RIMS1: variants seen among roughly 807,000 people sequenced by gnomAD.
RIMS1 encodes regulating synaptic membrane exocytosis 1, also known as regulating synaptic membrane exocytosis protein 1.
In RIMS1, 83 loss-of-function variants were observed where a neutral mutation model predicts 214.1. The observed-to-expected ratio is 0.39, with a 90% CI of 0.32 to 0.47. The LOEUF (loss-of-function observed/expected upper bound fraction) is 0.47, where lower values mean the gene tolerates loss of function less well. RIMS1 is among the 20% of genes least tolerant of loss of function. The probability of loss-of-function intolerance (pLI) is 0.99; values close to 1 mark genes in which losing one functional copy is unlikely to be tolerated. For synonymous variants in RIMS1, 793 were observed against 786.8 expected (o/e 1.01, Z -0.13); for missense variants, 2,050 against 2,161.8 (o/e 0.95, Z 1.03).
intron 24 of RIMS1, among the ~76,000 whole-genome samples, chr6:72,290,133 G>A (rs2093123264): frequency 6.6e-6 from 1 of 151,984 alleles, no homozygotes; most frequent in Non-Finnish European, 1.5e-5. Flanking sequence ...TTTAATTTTT[G>A]TCTACTTAGA....
rs758907133 is a variant in RIMS1, at chr6:72,290,775, G to A, written c.3651G>A (p.Ser1217=). The A allele has an allele frequency of 1.7e-5, 28 of 1,613,662 alleles. No homozygotes were observed. Among genetic ancestry groups the A allele is most frequent in the South Asian group, 2.2e-5 (2 of 91,068 alleles). Residue 1217 remains serine, a synonymous_variant, in exon 25 of 34, where the codon TCG becomes TCA. Transcript: ENST00000521978. ...IRGKHPARSR[S]SEHSSIRTLC... ...GAAAACATCCTGCTCGCTCAAGGTC[G>A]AGTGAGCACTCTAGTATCAGAACAC...
chr6:72,088,003 C>T (rs1383254942), intron 2 of RIMS1, among the ~76,000 whole-genome samples: 2 of 152,082 alleles, frequency 1.3e-5, no homozygotes, highest in Non-Finnish European at 1.5e-5. Context: ...AGGATATGAA[C>T]AAAATGATTT....
At chr6:72,272,087 A>C (rs1485943100) in intron 22 of RIMS1, among the ~76,000 whole-genome samples, 1 of 152,198 alleles carries the variant, frequency 6.6e-6, no homozygotes, top group Non-Finnish European at 1.5e-5. Flanking sequence ...CTGGTTTGGA[A>C]ATACAAATCA....
chr6:72,051,161 C>CA (rs1260172280), intron 2 of RIMS1, among the ~76,000 whole-genome samples: 1 of 152,108 alleles, frequency 6.6e-6, no homozygotes, highest in African/African-American at 2.4e-5. Context: ...CTCAGTCTGA[C>CA]AAAGGCCGGA....
intron 2 of RIMS1, among the ~76,000 whole-genome samples, chr6:72,010,103 C>G (rs1289831203): frequency 2.6e-5 from 4 of 152,138 alleles, no homozygotes; most frequent in Admixed American, 2.6e-4. Context: ...CAAACTGAAT[C>G]CAGCAACACA....
In RIMS1 at chr6:72,398,358, G is replaced by A. The variant is rs2154456863; in HGVS notation, c.4720+8G>A. 2 of 1,558,806 alleles carry A rather than the reference G, an allele frequency of 1.3e-6. No homozygotes were observed. The highest frequency in any genetic ancestry group is 1.8e-6 in the Non-Finnish European group (2 of 1,141,824). ...GTTCCAAATCTACACCTGGTAAGGA[G>A]AAGTATTCCTGAATTTGGTGAAGGG... On this transcript the variant is annotated splice_region_variant and intron_variant, in intron 32 of 33. Coordinates refer to ENST00000521978, the MANE Select transcript of RIMS1 (RefSeq NM_014989.7).
At chr6:71,951,482 T>TTCTTTTTC (rs1453238106) in intron 1 of RIMS1, among the ~76,000 whole-genome samples, 2 of 142,742 alleles carry the variant, frequency 1.4e-5, no homozygotes, top group Non-Finnish European at 1.5e-5. Context: ...CTTTTTCTTT[T>TTCTTTTTC]TTTTTTTTTT....
At chr6:72,026,760 A>G (rs150713617) in intron 2 of RIMS1, among the ~76,000 whole-genome samples, 1 of 152,224 alleles carries the variant, frequency 6.6e-6, no homozygotes, top group African/African-American at 2.4e-5. Context: ...TGTTTTCACT[A>G]TGTAGTGGCA....
At chr6:71,917,134 G>A (rs775969251) in intron 1 of RIMS1, among the ~76,000 whole-genome samples, 20 of 152,056 alleles carry the variant, frequency 1.3e-4, no homozygotes, top group Non-Finnish European at 2.2e-4. Context: ...TACTTACTTC[G>A]TAGGGTTGTT....
At chr6:71,890,848 C>G (rs1312646083) in intron 1 of RIMS1, among the ~76,000 whole-genome samples, 1 of 150,164 alleles carries the variant, frequency 6.7e-6, no homozygotes, top group Non-Finnish European at 1.5e-5. Context: ...AGAAGGTAAA[C>G]CAAATAATAT....
intron 4 of RIMS1, among the ~76,000 whole-genome samples, chr6:72,145,908 A>C (rs1048771737): frequency 6.6e-6 from 1 of 152,226 alleles, no homozygotes; most frequent in Non-Finnish European, 1.5e-5. Context: ...ATACTCCCAA[A>C]TCGTTTCCAA....
intron 6 of RIMS1, among the ~76,000 whole-genome samples, chr6:72,191,523 G>C (rs535034946): frequency 3.3e-5 from 5 of 152,220 alleles, no homozygotes; most frequent in Non-Finnish European, 7.3e-5. Context: ...CCTTGTAGAA[G>C]GGAAAAGCAA....
chr6:72,196,155 A>G (rs1258248692), intron 6 of RIMS1, among the ~76,000 whole-genome samples: 1 of 152,116 alleles, frequency 6.6e-6, no homozygotes, highest in Non-Finnish European at 1.5e-5. Context: ...CAAAGAATTC[A>G]TTTTGTGTTC....
chr6:72,219,566 T>G (rs1158488072), intron 6 of RIMS1, among the ~76,000 whole-genome samples: 3 of 152,224 alleles, frequency 2.0e-5, no homozygotes, highest in South Asian at 4.1e-4. Context: ...CAAAACTGAC[T>G]TCAGAAAAGG....
chr6:72,196,580 CTTTTTTTTTTT>C (rs61651151), intron 6 of RIMS1, among the ~76,000 whole-genome samples: 1 of 57,214 alleles, frequency 1.7e-5, no homozygotes, highest in African/African-American at 7.9e-5. Flanking sequence ...GCCAGCTGCA[CTTTTTTTTTTT>C]TTTTTTTTTT....
At chr6:72,019,018 C>G (rs1402608418) in intron 2 of RIMS1, among the ~76,000 whole-genome samples, 1 of 152,012 alleles carries the variant, frequency 6.6e-6, no homozygotes, top group Non-Finnish European at 1.5e-5. Context: ...GACTAAGAGG[C>G]GGCAGTGTGA....
chr6:72,007,651 C>T (rs1022923122), intron 2 of RIMS1, among the ~76,000 whole-genome samples: 6 of 152,180 alleles, frequency 3.9e-5, no homozygotes, highest in Non-Finnish European at 7.3e-5. Context: ...AGCTGAAAAC[C>T]ATGGCATGAG....
chr6:72,145,057 A>G (rs2153889815), intron 4 of RIMS1, among the ~76,000 whole-genome samples: 1 of 152,252 alleles, frequency 6.6e-6, no homozygotes, highest in African/African-American at 2.4e-5. Context: ...AAAACAAATC[A>G]TAATAGAACT....
At chr6:72,187,643 A>T (rs1372694812) in intron 6 of RIMS1, among the ~76,000 whole-genome samples, 1 of 151,728 alleles carries the variant, frequency 6.6e-6, no homozygotes, top group Non-Finnish European at 1.5e-5. Flanking sequence ...GTAGGTGCGT[A>T]CCACCATACC....
Sources: gnomAD v4.1 joint callset for allele counts (sites outside exome capture counted in the v4.1 genomes callset) on GRCh38, gnomAD v4.1.1 for gene constraint, MANE v1.5 for transcripts, NCBI Gene and HGNC (gene_info 2026-07-23, HGNC 2026-07-21) for gene names.